The following TTC7B variants were observed in gnomAD, a reference collection of about 807,000 sequenced individuals.
The protein encoded by TTC7B is tetratricopeptide repeat protein 7B.
A neutral mutation model predicts 106.8 loss-of-function variants in TTC7B; 28 were observed. The ratio of observed to expected loss-of-function variants is 0.26; its 90% confidence interval spans 0.19 to 0.36. TTC7B has a LOEUF of 0.36. TTC7B is among the 10% of genes least tolerant of loss of function. The pLI is 1.00. For missense variants in TTC7B, 862 were observed against 1,076.4 expected, an observed-to-expected ratio of 0.80 and a Z score of 2.79; for synonymous variants, 405 against 430.6, an observed-to-expected ratio of 0.94 and a Z score of 0.74.
chr14:90,544,563 C>T (rs1039369781), intron 19 of TTC7B, among the ~76,000 whole-genome samples: 25 of 152,206 alleles, frequency 1.6e-4, no homozygotes, highest in Admixed American at 2.6e-4. Context: ...TTCCCAACCT[C>T]AAAGGCCAGC....
chr14:90,712,244 T>A (rs1024669168), intron 5 of TTC7B, among the ~76,000 whole-genome samples: 8 of 152,190 alleles, frequency 5.3e-5, no homozygotes, highest in African/African-American at 1.9e-4. Context: ...AATAAGGATG[T>A]CTGCTCTTGC....
In TTC7B at chr14:90,780,829, G is replaced by T. The variant is rs773724780; in HGVS notation, c.354C>A (p.Asn118Lys). The change falls in exon 3 of 20, where the codon AAC becomes AAA. Residue 118 changes from asparagine to lysine, a missense_variant. Coordinates refer to ENST00000328459, the MANE Select transcript of TTC7B (RefSeq NM_001010854.2). ...YVEGDYKEALNIYARVGLDDL... is the reference protein window; with the variant it reads ...YVEGDYKEALKIYARVGLDDL... ...CGTCCAGGCCCACCCGGGCGTAAATGTTCAGAGCTTCTTTATAATCACCTT... is the reference window on the plus strand; with the variant it reads ...CGTCCAGGCCCACCCGGGCGTAAATTTTCAGAGCTTCTTTATAATCACCTT... The T allele has an allele frequency of 5.6e-6, 9 of 1,614,166 alleles. No individual in the cohort carries two copies. In the Admixed American group the frequency reaches 8.3e-5, roughly 15 times the overall value.
intron 15 of TTC7B, among the ~76,000 whole-genome samples, chr14:90,633,801 T>C (rs1884804633): frequency 6.6e-6 from 1 of 152,054 alleles, no homozygotes; most frequent in Admixed American, 6.5e-5. Flanking sequence ...GCAAATTTAA[T>C]AGATAGTGAA....
At chr14:90,598,077 C>A (rs933419047) in intron 17 of TTC7B, among the ~76,000 whole-genome samples, 1 of 152,240 alleles carries the variant, frequency 6.6e-6, no homozygotes, top group African/African-American at 2.4e-5. Flanking sequence ...CCCGCCACTG[C>A]CAGAGCCCAC....
chr14:90,581,662 G>T (rs1424605043), intron 18 of TTC7B, among the ~76,000 whole-genome samples: 1 of 152,224 alleles, frequency 6.6e-6, no homozygotes, highest in Non-Finnish European at 1.5e-5. Context: ...CTCCCAGTTA[G>T]AGCATTATGA....
intron 19 of TTC7B, among the ~76,000 whole-genome samples, chr14:90,574,319 A>G (rs1891168177): frequency 6.6e-6 from 1 of 152,230 alleles, no homozygotes; most frequent in African/African-American, 2.4e-5. Flanking sequence ...TGGTCAGTCT[A>G]TGAATTCCTC....
At position 90,624,194 on chromosome 14, in the gene TTC7B, T is replaced by C. The variant is rs1884340228; in HGVS notation, c.1752-6149A>G. 6.6e-6 allele frequency among the ~76,000 whole-genome samples: 1 copy of C among 152,252 alleles called. No individual in the cohort carries two copies. Among genetic ancestry groups the C allele is most frequent in the Non-Finnish European group, 1.5e-5 (1 of 68,048 alleles). On this transcript the variant is annotated intron_variant, in intron 15 of 19. Transcript: ENST00000328459. The surrounding 1 kb of genome is among the most constrained non-coding windows in gnomAD (Gnocchi z 4.0). ...AAATCTGGTTTTTTGAAGGACCTCG[T>C]TAATCAAAGTTTTACTTTTCATTAA...
intron 2 of TTC7B, among the ~76,000 whole-genome samples, chr14:90,782,826 C>T (rs1211987422): frequency 2.6e-5 from 4 of 152,016 alleles, no homozygotes; most frequent in Admixed American, 2.6e-4. Flanking sequence ...TGCAAAGAGT[C>T]CTGGAGATGG....
At chr14:90,731,063 A>G (rs1291182994) in intron 4 of TTC7B, among the ~76,000 whole-genome samples, 1 of 151,974 alleles carries the variant, frequency 6.6e-6, no homozygotes, top group East Asian at 1.9e-4. Context: ...CTCCTGCCTC[A>G]GCCTCCCAAG....
chr14:90,762,070 C>T (rs1890520902), intron 3 of TTC7B, among the ~76,000 whole-genome samples: 1 of 152,196 alleles, frequency 6.6e-6, no homozygotes, highest in African/African-American at 2.4e-5. Flanking sequence ...CAGGAAGCCA[C>T]TAACATCCCT....
At chr14:90,698,041 G>T (rs1456692192) in intron 5 of TTC7B, 3 of 152,184 alleles carry the variant, frequency 2.0e-5, no homozygotes, top group Non-Finnish European at 4.4e-5. Flanking sequence ...ACCCAGAAGG[G>T]TGCCCGCCCC....
At chr14:90,756,584 G>A (rs1326101037) in intron 3 of TTC7B, among the ~76,000 whole-genome samples, 3 of 151,830 alleles carry the variant, frequency 2.0e-5, no homozygotes, top group African/African-American at 7.3e-5. Flanking sequence ...TAGTAGAAAC[G>A]GGGTTTCACC....
chr14:90,719,072 G>A lies in TTC7B; in HGVS notation c.698+11003C>T, dbSNP rs549852814. 2.6e-5 allele frequency among the ~76,000 whole-genome samples: 4 copies of A among 152,042 alleles called. No individual in the cohort carries two copies. The South Asian group carries it at 8.3e-4, about 32-fold the overall frequency. ...GCCCAGGAGTTCGAGACCAGCCTGG[G>A]CAATGTGGTGAAACCCCGTCGCTAC... On this transcript the variant is annotated intron_variant, in intron 5 of 19. Transcript: ENST00000328459.
At position 90,691,493 on chromosome 14, in the gene TTC7B, C is replaced by A. The variant is rs147585662; in HGVS notation, c.778-1781G>T. Among the ~76,000 whole-genome samples, 295 of 152,330 alleles carry A rather than the reference C, an allele frequency of 1.9e-3. 2 individuals are homozygous for A. The highest frequency in any genetic ancestry group is 7.0e-3 in the African/African-American group (289 of 41,568). On this transcript the variant is annotated intron_variant, in intron 6 of 19. Transcript: ENST00000328459. ...ATAAATATGAAATTACCAGCAAGAT[C>A]ACCAATATCTAGAATACTTTTTACT...
At chr14:90,726,416 C>G (rs1889104663) in intron 5 of TTC7B, among the ~76,000 whole-genome samples, 1 of 152,170 alleles carries the variant, frequency 6.6e-6, no homozygotes, top group Admixed American at 6.5e-5. Flanking sequence ...GCCTCCAAGC[C>G]CTGGCAATGT....
chr14:90,807,430 T>C lies in TTC7B; in HGVS notation c.121+8745A>G, dbSNP rs1263902039. ...CTTGGGGCCCTGGGATCCTGCTTCCTGAGTCCCTAAACCACTAAGACCTCC... is the reference window on the plus strand; with the variant it reads ...CTTGGGGCCCTGGGATCCTGCTTCCCGAGTCCCTAAACCACTAAGACCTCC... On this transcript the variant is annotated intron_variant, in intron 1 of 19. Coordinates refer to ENST00000328459, the MANE Select transcript of TTC7B (RefSeq NM_001010854.2). The surrounding 1 kb of genome is among the most constrained non-coding windows in gnomAD (Gnocchi z 4.1). Among the ~76,000 whole-genome samples the C allele has an allele frequency of 6.6e-6, 1 of 152,212 alleles. No homozygotes were observed. Among genetic ancestry groups the C allele is most frequent in the Non-Finnish European group, 1.5e-5 (1 of 68,040 alleles).
In TTC7B at chr14:90,534,667, G is replaced by GT. The variant is rs1340943406; in HGVS notation, c.*6700dup. On this transcript the variant is annotated 3_prime_UTR_variant, in exon 20 of 20. Transcript: ENST00000328459. ...GTGGCAGGGGCCGAGCGCTGGGAGG[G>GT]TATGGGGGCATTGGAGGGAGACAGT... is the stretch of plus-strand genomic sequence containing the variant. The GT allele has an allele frequency of 6.6e-6, 1 of 152,442 alleles. No individual in the cohort carries two copies. The highest frequency in any genetic ancestry group is 2.4e-5 in the African/African-American group (1 of 41,456). The allele number at this position is 152,442 out of a possible 1,614,324, so 9.4% of individuals were successfully genotyped here.
chr14:90,557,776 A>G (rs1466185765), intron 19 of TTC7B, among the ~76,000 whole-genome samples: 1 of 152,248 alleles, frequency 6.6e-6, no homozygotes, highest in Non-Finnish European at 1.5e-5. Context: ...TGAGCAGTGC[A>G]GCCCAACTTT....
chr14:90,776,140 G>GACACACACACACACACACACACACAC (rs370873395), intron 3 of TTC7B, among the ~76,000 whole-genome samples: 8 of 140,378 alleles, frequency 5.7e-5, no homozygotes, highest in African/African-American at 2.2e-4. Context: ...GGCCCCCCGT[G>GACACACACACACACACACACACACAC]ACACACACAC....
Sources: allele counts gnomAD v4.1 joint callset (sites outside exome capture counted in the v4.1 genomes callset), GRCh38; gene constraint gnomAD v4.1.1; non-coding constraint Gnocchi (gnomAD v3.1); transcripts MANE v1.5; gene names NCBI Gene and HGNC (gene_info 2026-07-23, HGNC 2026-07-21).